GFOD1: variants seen among roughly 807,000 people sequenced by gnomAD.
GFOD1 encodes the protein Gfo/Idh/MocA-like oxidoreductase domain containing 1.
In GFOD1, 9 loss-of-function variants were observed where a neutral mutation model predicts 25.4. The observed-to-expected ratio is 0.35, with a 90% CI of 0.21 to 0.62. The LOEUF (loss-of-function observed/expected upper bound fraction) is 0.62. Ranked by LOEUF, GFOD1 falls within the 20% of genes least tolerant of loss-of-function variation. GFOD1 has a pLI of 0.72. For missense variants in GFOD1, 403 were observed against 556.9 expected (o/e 0.72, Z 2.78); for synonymous variants, 253 against 245.6 (o/e 1.03, Z -0.28).
At chr6:13,399,821 A>T (rs1190956638) in intron 1 of GFOD1, among the ~76,000 whole-genome samples, 1 of 152,258 alleles carries the variant, frequency 6.6e-6, no homozygotes, top group Non-Finnish European at 1.5e-5. Flanking sequence ...TTGCAGTGGC[A>T]TTGCACAGGT....
rs183838995 is a variant in GFOD1, at chr6:13,430,039, G to A, written c.253+56599C>T. Among the ~76,000 whole-genome samples, 1 of 152,260 alleles carries A rather than the reference G, an allele frequency of 6.6e-6. No individual in the cohort carries two copies. The highest frequency in any genetic ancestry group is 1.9e-4 in the East Asian group (1 of 5,180). On this transcript the variant is annotated intron_variant, in intron 1 of 1. Coordinates refer to ENST00000379287, the MANE Select transcript of GFOD1 (RefSeq NM_018988.4). This position sits in a 1 kb window ranked among gnomAD's most constrained non-coding sequence, Gnocchi z 4.1. Reference sequence around the variant, plus strand: ...GATGGATCTTTGGGACCAGCTTAATGAAAAAATATGCAGTGGAAATGGCAC... The same window carrying A: ...GATGGATCTTTGGGACCAGCTTAATAAAAAAATATGCAGTGGAAATGGCAC...
At chr6:13,367,815 G>A (rs573058380) in intron 1 of GFOD1, among the ~76,000 whole-genome samples, 3 of 151,730 alleles carry the variant, frequency 2.0e-5, no homozygotes, top group South Asian at 2.1e-4. Context: ...TAAAACAGAC[G>A]CTAGGCAAAA....
intron 1 of GFOD1, among the ~76,000 whole-genome samples, chr6:13,467,695 G>A (rs990519767): frequency 1.3e-5 from 2 of 152,204 alleles, no homozygotes; most frequent in Non-Finnish European, 2.9e-5. Context: ...AAATGCAGGA[G>A]GCAGAGAAAA....
rs1174670610 is a variant in GFOD1, at chr6:13,364,155, T to TG, written c.*587dup. 6.5e-6 allele frequency: 1 copy of TG among 152,806 alleles called. No individual in the cohort carries two copies. Among genetic ancestry groups the TG allele is most frequent in the African/African-American group, 2.4e-5 (1 of 41,440 alleles). The allele number at this position is 152,806 out of a possible 1,614,324, so 9.5% of individuals were successfully genotyped here. A position where few individuals can be genotyped will look rare whatever the true frequency, so the allele number is the denominator to read the frequency against. ...TGAGGAAGCCCAATCAATCAAAAGGTGGCCACTTTGCTACTAAGTACTTTT... is the reference window on the plus strand; with the variant it reads ...TGAGGAAGCCCAATCAATCAAAAGGTGGGCCACTTTGCTACTAAGTACTTTT... On this transcript the variant is annotated 3_prime_UTR_variant, in exon 2 of 2. Transcript: ENST00000379287. This position sits in a 1 kb window ranked among gnomAD's most constrained non-coding sequence, Gnocchi z 4.1.
chr6:13,472,254 C>T (rs1271739761), intron 1 of GFOD1, among the ~76,000 whole-genome samples: 1 of 152,146 alleles, frequency 6.6e-6, no homozygotes, highest in Non-Finnish European at 1.5e-5. Flanking sequence ...AGCCAAACCA[C>T]ATCAAAACTG....
chr6:13,392,621 C>G (rs1412656328), intron 1 of GFOD1, among the ~76,000 whole-genome samples: 3 of 152,036 alleles, frequency 2.0e-5, no homozygotes, highest in Non-Finnish European at 2.9e-5. Context: ...GGAGAGAGAG[C>G]CTGCAGGAGC....
chr6:13,469,563 A>C (rs945351065), intron 1 of GFOD1: 1 of 1,055,940 alleles, frequency 9.5e-7, no homozygotes, highest in African/African-American at 1.7e-5. Flanking sequence ...TAAGCTTTGG[A>C]GTCAAGCAAA....
At chr6:13,416,854 G>A (rs998758994) in intron 1 of GFOD1, among the ~76,000 whole-genome samples, 4 of 152,188 alleles carry the variant, frequency 2.6e-5, no homozygotes, top group South Asian at 4.1e-4. Flanking sequence ...CTAGAGTGAT[G>A]GAGATGGGGA....
intron 1 of GFOD1, among the ~76,000 whole-genome samples, chr6:13,443,083 T>C (rs868229444): frequency 5.9e-5 from 9 of 152,154 alleles, no homozygotes; most frequent in Non-Finnish European, 8.8e-5. Flanking sequence ...TCAGAAGAAA[T>C]TGATTCAAAT....
intron 1 of GFOD1, among the ~76,000 whole-genome samples, chr6:13,442,577 G>A (rs765530882): frequency 6.6e-6 from 1 of 152,206 alleles, no homozygotes; most frequent in East Asian, 1.9e-4. Flanking sequence ...TGACTTTCTT[G>A]TTAGGGGCCA....
chr6:13,398,968 A>C (rs540575062), intron 1 of GFOD1, among the ~76,000 whole-genome samples: 11 of 152,342 alleles, frequency 7.2e-5, no homozygotes, highest in Non-Finnish European at 1.6e-4. Context: ...GGGCATTTAA[A>C]AGGCAGGAGC....
rs143722901 is a variant in GFOD1 at position 13,400,881 on chromosome 6, G to C, written c.254-35219C>G. On this transcript the variant is annotated intron_variant, in intron 1 of 1. Coordinates refer to ENST00000379287, the MANE Select transcript of GFOD1 (RefSeq NM_018988.4). ...CTTCACCTATTAAAGAAAGAGGCAC[G>C]AGAGTCCTCTCCACCATTCTTTATC... Among the ~76,000 whole-genome samples, 240 of 152,282 alleles carry C rather than the reference G, an allele frequency of 1.6e-3. 1 individual carries two copies. The highest frequency in any genetic ancestry group is 5.4e-3 in the African/African-American group (225 of 41,562).
intron 1 of GFOD1, among the ~76,000 whole-genome samples, chr6:13,375,436 C>T (rs1484291806): frequency 6.6e-6 from 1 of 152,140 alleles, no homozygotes; most frequent in African/African-American, 2.4e-5. Context: ...GATGGGAGGC[C>T]CGATGTTCTG....
intron 1 of GFOD1, chr6:13,469,400 TC>T (rs1758437916): frequency 2.0e-6 from 2 of 984,944 alleles, no homozygotes; most frequent in African/African-American, 1.7e-5. Flanking sequence ...ATACATGCAG[TC>T]CCCAGGCTAT....
At chr6:13,481,603 G>A (rs531711051) in intron 1 of GFOD1, among the ~76,000 whole-genome samples, 4 of 150,980 alleles carry the variant, frequency 2.6e-5, no homozygotes, top group African/African-American at 4.9e-5. Flanking sequence ...ACACACGTGT[G>A]CACATGTGCT....
At chr6:13,478,063 C>CAA (rs70989861) in intron 1 of GFOD1, among the ~76,000 whole-genome samples, 79 of 133,152 alleles carry the variant, frequency 5.9e-4, no homozygotes, top group African/African-American at 7.9e-4. Context: ...GAATCTATCT[C>CAA]AAAAAAAAAA....
chr6:13,402,377 T>C (rs1256692026), intron 1 of GFOD1, among the ~76,000 whole-genome samples: 3 of 152,112 alleles, frequency 2.0e-5, no homozygotes, highest in Non-Finnish European at 2.9e-5. Flanking sequence ...TTAAAGGACA[T>C]CATCAAGATA....
rs563703756 is a variant in GFOD1, at chr6:13,371,298, C to A, written c.254-5636G>T. On this transcript the variant is annotated intron_variant, in intron 1 of 1. Coordinates refer to ENST00000379287, the MANE Select transcript of GFOD1 (RefSeq NM_018988.4). ...GAGAAAAGAATACTGCCCTAGGTCA[C>A]TGTGCACAGCCTAAGGAGGCCATCT... 9.8e-5 allele frequency among the ~76,000 whole-genome samples: 15 copies of A among 152,316 alleles called. No individual in the cohort carries two copies. The South Asian group carries it at 3.1e-3, about 32-fold the overall frequency.
At chr6:13,461,602 G>A (rs180934523) in intron 1 of GFOD1, among the ~76,000 whole-genome samples, 57 of 152,174 alleles carry the variant, frequency 3.7e-4, no homozygotes, top group African/African-American at 1.0e-3. Flanking sequence ...CACATTGCCC[G>A]GTCACCTCTG....
Sources: gnomAD v4.1 joint callset for allele counts (sites outside exome capture counted in the v4.1 genomes callset) on GRCh38, gnomAD v4.1.1 for gene constraint, Gnocchi (gnomAD v3.1) non-coding constraint, MANE v1.5 for transcripts, NCBI Gene and HGNC (gene_info 2026-07-23, HGNC 2026-07-21) for gene names.